Variants in NELL1 observed in about 807,000 individuals in gnomAD.
NELL1 encodes neural EGFL like 1, also known as protein kinase C-binding protein NELL1.
In NELL1, 76 loss-of-function variants were observed where a neutral mutation model predicts 107.4. The ratio of observed to expected loss-of-function variants is 0.71; its 90% CI spans 0.59 to 0.86. The LOEUF (loss-of-function observed/expected upper bound fraction) is 0.86, where lower values mean the gene tolerates loss of function less well. NELL1 is among the 40% of genes least tolerant of loss of function. The probability of loss-of-function intolerance (pLI) is 0.00; values close to 1 mark genes in which losing one functional copy is unlikely to be tolerated. For missense variants in NELL1, 1,024 were observed against 1,005.5 expected, an observed-to-expected ratio of 1.02 and a Z score of -0.25; for synonymous variants, 353 against 341.2, an observed-to-expected ratio of 1.03 and a Z score of -0.38.
At chr11:20,919,419 T>G (rs1041281450) in intron 7 of NELL1, 85 bp downstream of exon 7, 1 of 825,684 alleles carries the variant, frequency 1.2e-6, no homozygotes, top group South Asian at 1.7e-5. Context: ...AATGGAAACA[T>G]TTTTAGCCTC....
At chr11:21,462,808 C>G (rs576075874) in intron 15 of NELL1, among the ~76,000 whole-genome samples, 1 of 152,116 alleles carries the variant, frequency 6.6e-6, no homozygotes, top group African/African-American at 2.4e-5. Context: ...TTTCCTGAGT[C>G]CAAAACTTGT....
At chr11:20,690,206 TG>T (rs1214560641) in intron 2 of NELL1, among the ~76,000 whole-genome samples, 1 of 152,144 alleles carries the variant, frequency 6.6e-6, no homozygotes, top group East Asian at 1.9e-4. Flanking sequence ...GAGTAGGTTG[TG>T]AAAATTTTCT....
chr11:21,553,554 G>A (rs1388915318), intron 16 of NELL1, among the ~76,000 whole-genome samples: 1 of 151,796 alleles, frequency 6.6e-6, no homozygotes, highest in Non-Finnish European at 1.5e-5. Context: ...ATATCAAATT[G>A]GAAATGGACA....
At chr11:21,077,675 G>A (rs906354260) in intron 12 of NELL1, among the ~76,000 whole-genome samples, 3 of 151,804 alleles carry the variant, frequency 2.0e-5, no homozygotes, top group Admixed American at 6.6e-5. Flanking sequence ...CCTGGGAGAC[G>A]GAGGTTGCAG....
chr11:21,482,146 G>A (rs997350452), intron 15 of NELL1, among the ~76,000 whole-genome samples: 1 of 152,222 alleles, frequency 6.6e-6, no homozygotes, highest in Admixed American at 6.5e-5. Context: ...AAATTAAGCT[G>A]TAGCAGAAAC....
intron 15 of NELL1, among the ~76,000 whole-genome samples, chr11:21,413,727 T>C (rs1003557554): frequency 2.6e-5 from 4 of 152,084 alleles, no homozygotes; most frequent in Admixed American, 1.3e-4. Context: ...GTCATCTGTG[T>C]GGAATAGCAA....
intron 5 of NELL1, among the ~76,000 whole-genome samples, chr11:20,905,299 C>T (rs1054919008): frequency 6.6e-5 from 10 of 152,084 alleles, no homozygotes; most frequent in Non-Finnish European, 1.3e-4. Flanking sequence ...CAGCAAACCC[C>T]AGTAAAGGGG....
intron 14 of NELL1, among the ~76,000 whole-genome samples, chr11:21,240,774 G>C (rs7117671): frequency 0.31 from 42,428 of 137,264 alleles, 6,100 homozygotes; most frequent in East Asian, 0.57. Flanking sequence ...AGTGGGGGGG[G>C]GGAGGGGGGA....
intron 15 of NELL1, among the ~76,000 whole-genome samples, chr11:21,402,089 C>A (rs946800920): frequency 6.6e-6 from 1 of 151,768 alleles, no homozygotes; most frequent in Non-Finnish European, 1.5e-5. Flanking sequence ...GGAACAGATG[C>A]ACACTTAGGT....
At chr11:20,788,022 G>A (rs1857002887) in intron 3 of NELL1, among the ~76,000 whole-genome samples, 2 of 119,882 alleles carry the variant, frequency 1.7e-5, no homozygotes, top group African/African-American at 5.0e-5. Context: ...CATTCATATT[G>A]TAGCTTATGT....
At chr11:20,762,042 T>C (rs139413968) in intron 2 of NELL1, among the ~76,000 whole-genome samples, 1 of 152,256 alleles carries the variant, frequency 6.6e-6, no homozygotes, top group Admixed American at 6.5e-5. Flanking sequence ...ATTTTTCCGA[T>C]GTAAAGTTGC....
At chr11:20,879,675 C>T (rs1481946858) in intron 4 of NELL1, among the ~76,000 whole-genome samples, 2 of 152,122 alleles carry the variant, frequency 1.3e-5, no homozygotes, top group African/African-American at 2.4e-5. Context: ...TTCCTGTTGC[C>T]TGAGCCTATT....
Position 21,116,322 on chromosome 11 carries a change from G to GTC in NELL1, c.1426+2609_1426+2610insCT, listed in dbSNP as rs538826571. On this transcript the variant is annotated intron_variant, in intron 13 of 19. Transcript: ENST00000357134. Reference sequence around the variant, plus strand: ...TGCTGCTGACTTCTGAAAGGTTAGAGTACCCTCCGGTTCTATCCTGGTCCC... The same window carrying GTC: ...TGCTGCTGACTTCTGAAAGGTTAGAGTCTACCCTCCGGTTCTATCCTGGTCCC... Among the ~76,000 whole-genome samples the GTC allele has an allele frequency of 1.7e-3, 263 of 152,028 alleles. 1 individual carries two copies. Among genetic ancestry groups the GTC allele is most frequent in the African/African-American group, 6.1e-3 (253 of 41,510 alleles).
chr11:21,408,188 C>G (rs1319442676), intron 15 of NELL1, among the ~76,000 whole-genome samples: 1 of 151,944 alleles, frequency 6.6e-6, no homozygotes, highest in Non-Finnish European at 1.5e-5. Flanking sequence ...GAAGCCACTC[C>G]CAAGTGATTG....
intron 15 of NELL1, among the ~76,000 whole-genome samples, chr11:21,385,559 C>G (rs999548108): frequency 4.0e-5 from 6 of 151,818 alleles, no homozygotes; most frequent in Admixed American, 3.9e-4. Flanking sequence ...GTATAAACCA[C>G]TCATATTTGT....
chr11:21,299,589 G>A (rs1849451098), intron 14 of NELL1, among the ~76,000 whole-genome samples: 1 of 146,630 alleles, frequency 6.8e-6, no homozygotes. Flanking sequence ...CATATAAATT[G>A]GTAGATTGGT....
intron 3 of NELL1, among the ~76,000 whole-genome samples, chr11:20,788,176 A>G (rs1432722816): frequency 8.5e-5 from 13 of 152,224 alleles, no homozygotes; most frequent in Admixed American, 8.5e-4. Context: ...ACATTTATGT[A>G]CAAGCTATTG....
intron 14 of NELL1, among the ~76,000 whole-genome samples, chr11:21,344,195 G>C (rs746846234): frequency 6.6e-6 from 1 of 152,174 alleles, no homozygotes; most frequent in Non-Finnish European, 1.5e-5. Context: ...AGTGTTGTCT[G>C]TGAACTGTTT....
chr11:21,125,288 T>C (rs753389282), intron 13 of NELL1, among the ~76,000 whole-genome samples: 5 of 152,106 alleles, frequency 3.3e-5, no homozygotes, highest in Non-Finnish European at 7.4e-5. Context: ...TCAGGGAACA[T>C]ACATTCCGGT....
Sources: allele counts gnomAD v4.1 joint callset (sites outside exome capture counted in the v4.1 genomes callset), GRCh38; gene constraint gnomAD v4.1.1; transcripts MANE v1.5; gene names NCBI Gene and HGNC (gene_info 2026-07-23, HGNC 2026-07-21).